The following MACROD2 variants were observed in gnomAD, a reference collection of about 807,000 sequenced individuals.
The protein encoded by MACROD2 is ADP-ribose glycohydrolase MACROD2.
A neutral mutation model predicts 70.4 loss-of-function variants in MACROD2; 36 were observed. That is an observed-to-expected ratio of 0.51 (90% CI 0.39 to 0.68). MACROD2 has a LOEUF of 0.68. MACROD2 is among the 30% of genes least tolerant of loss of function. The pLI is 0.00. For missense variants in MACROD2, 496 were observed against 538.4 expected (o/e 0.92, Z 0.78); for synonymous variants, 172 against 178.8 (o/e 0.96, Z 0.30).
At chr20:14,283,406 T>C (rs1431301377) in intron 3 of MACROD2, among the ~76,000 whole-genome samples, 1 of 152,142 alleles carries the variant, frequency 6.6e-6, no homozygotes, top group East Asian at 1.9e-4. Flanking sequence ...GTATAAAAAA[T>C]GGAATATTAA....
chr20:14,013,282 T>TC (rs1427345119), intron 2 of MACROD2, among the ~76,000 whole-genome samples: 1 of 151,066 alleles, frequency 6.6e-6, no homozygotes, highest in African/African-American at 2.4e-5. Flanking sequence ...TCTTTTTTTT[T>TC]TTTTTTTTGA....
intron 8 of MACROD2, among the ~76,000 whole-genome samples, chr20:15,636,597 C>T (rs770814765): frequency 6.6e-6 from 1 of 152,002 alleles, no homozygotes; most frequent in African/African-American, 2.4e-5. Context: ...AAGCAAGCCC[C>T]GAAAAGACAA....
chr20:15,229,883 T>TA (rs1234983136), intron 5 of MACROD2, 57 bp from the exon 6 acceptor site: 31 of 1,531,694 alleles, frequency 2.0e-5, no homozygotes, highest in African/African-American at 9.8e-5. Context: ...ATTAATTATG[T>TA]AAAAAAAGTG....
At chr20:14,253,435 C>T (rs939282809) in intron 3 of MACROD2, among the ~76,000 whole-genome samples, 7 of 151,920 alleles carry the variant, frequency 4.6e-5, no homozygotes, top group South Asian at 4.2e-4. Context: ...TTTTTATCTT[C>T]GCTAAGATAT....
At chr20:14,269,630 T>C (rs1406721558) in intron 3 of MACROD2, among the ~76,000 whole-genome samples, 1 of 152,178 alleles carries the variant, frequency 6.6e-6, no homozygotes, top group African/African-American at 2.4e-5. Flanking sequence ...AAAAAACATC[T>C]ATTTTCATAC....
intron 2 of MACROD2, among the ~76,000 whole-genome samples, chr20:14,083,934 G>C (rs967467025): frequency 1.3e-5 from 2 of 151,656 alleles, no homozygotes; most frequent in African/African-American, 4.8e-5. Context: ...GGTGGCGGGC[G>C]GCTGTAGTCT....
At chr20:14,337,234 G>T (rs204607) in intron 3 of MACROD2, among the ~76,000 whole-genome samples, 1 of 152,114 alleles carries the variant, frequency 6.6e-6, no homozygotes, top group African/African-American at 2.4e-5. Flanking sequence ...ATTCAGCCAT[G>T]ATAGTGAAAT....
intron 4 of MACROD2, among the ~76,000 whole-genome samples, chr20:14,595,814 T>C (rs1003680672): frequency 1.3e-5 from 2 of 152,222 alleles, no homozygotes; most frequent in African/African-American, 4.8e-5. Context: ...TTTATGCATA[T>C]ATGTAATCTT....
At chr20:15,654,083 C>G (rs192204828) in intron 8 of MACROD2, among the ~76,000 whole-genome samples, 9 of 152,296 alleles carry the variant, frequency 5.9e-5, no homozygotes, top group African/African-American at 1.9e-4. Context: ...GATGGGAACC[C>G]TCCCAAACAG....
intron 15 of MACROD2, among the ~76,000 whole-genome samples, chr20:15,998,376 G>A (rs572659305): frequency 6.6e-6 from 1 of 152,184 alleles, no homozygotes; most frequent in South Asian, 2.1e-4. Flanking sequence ...AGTCTATTCA[G>A]ATATTCTGTT....
intron 7 of MACROD2, among the ~76,000 whole-genome samples, chr20:15,436,782 A>G (rs2046433093): frequency 6.6e-6 from 1 of 152,162 alleles, no homozygotes; most frequent in South Asian, 2.1e-4. Flanking sequence ...ATAGCTGAAA[A>G]GAAAAATTTT....
intron 5 of MACROD2, among the ~76,000 whole-genome samples, chr20:15,085,253 A>G (rs2075737983): frequency 2.0e-5 from 3 of 152,146 alleles, no homozygotes; most frequent in South Asian, 2.1e-4. Flanking sequence ...AATGAATTCA[A>G]GACCTAAATG....
At chr20:14,761,684 T>C (rs2123754062) in intron 5 of MACROD2, among the ~76,000 whole-genome samples, 1 of 152,232 alleles carries the variant, frequency 6.6e-6, no homozygotes, top group East Asian at 1.9e-4. Context: ...GCTTTTTCTC[T>C]GACTGCTTTT....
chr20:14,027,000 A>T (rs1414896032), intron 2 of MACROD2, among the ~76,000 whole-genome samples: 1 of 152,226 alleles, frequency 6.6e-6, no homozygotes, highest in Non-Finnish European at 1.5e-5. Flanking sequence ...GTGCCTCCTG[A>T]CTAGGTGACA....
chr20:14,435,523 T>G (rs765393158), intron 3 of MACROD2, among the ~76,000 whole-genome samples: 3 of 152,082 alleles, frequency 2.0e-5, no homozygotes, highest in Non-Finnish European at 4.4e-5. Context: ...AGATGCCAAT[T>G]TTACCACTAA....
rs535173352 is a variant in MACROD2 at position 14,467,568 on chromosome 20, A to G, written c.272-25911A>G. On this transcript the variant is annotated intron_variant, in intron 3 of 17. Transcript: ENST00000684519. Reference sequence around the variant, plus strand: ...CTGCACCCACTGTCTGGCACTCCCCAGTGAGGTGAACCCGGTTGGAAATGC... The same window carrying G: ...CTGCACCCACTGTCTGGCACTCCCCGGTGAGGTGAACCCGGTTGGAAATGC... Among the ~76,000 whole-genome samples, 403 of 152,150 alleles carry G rather than the reference A, an allele frequency of 2.6e-3. 2 individuals are homozygous for G. Among genetic ancestry groups the G allele is most frequent in the Non-Finnish European group, 4.6e-3 (315 of 68,004 alleles).
At chr20:14,176,473 T>C (rs2081264148) in intron 3 of MACROD2, among the ~76,000 whole-genome samples, 2 of 152,180 alleles carry the variant, frequency 1.3e-5, no homozygotes, top group Admixed American at 1.3e-4. Flanking sequence ...AGAATAGATA[T>C]GAAAGTACTT....
At chr20:14,292,985 C>T (rs1200384753) in intron 3 of MACROD2, among the ~76,000 whole-genome samples, 3 of 151,814 alleles carry the variant, frequency 2.0e-5, no homozygotes, top group Admixed American at 6.6e-5. Context: ...TAAAGAACAC[C>T]TGCTATGTGC....
intron 10 of MACROD2, among the ~76,000 whole-genome samples, chr20:15,890,129 G>C (rs1008989410): frequency 2.0e-5 from 3 of 152,154 alleles, no homozygotes; most frequent in Non-Finnish European, 2.9e-5. Flanking sequence ...CAACATGTAA[G>C]CATGCCCACT....
Sources: gnomAD v4.1 joint callset for allele counts (sites outside exome capture counted in the v4.1 genomes callset) on GRCh38, gnomAD v4.1.1 for gene constraint, MANE v1.5 for transcripts, NCBI Gene and HGNC (gene_info 2026-07-23, HGNC 2026-07-21) for gene names.